Variants in CSMD2 observed in about 807,000 individuals in gnomAD.
CSMD2 encodes CUB and sushi domain-containing protein 2.
A neutral mutation model predicts 398.5 loss-of-function variants in CSMD2; 130 were observed. The observed-to-expected ratio is 0.33, with a 90% confidence interval of 0.28 to 0.38. The LOEUF (loss-of-function observed/expected upper bound fraction) is 0.38. Ranked by LOEUF, CSMD2 falls within the 10% of genes least tolerant of loss-of-function variation. The probability of loss-of-function intolerance (pLI) is 1.00; values close to 1 mark genes in which losing one functional copy is unlikely to be tolerated. For synonymous variants in CSMD2, 1,828 were observed against 1,908.5 expected (o/e 0.96, Z 1.10); for missense variants, 3,829 against 4,764.9 (o/e 0.80, Z 5.78).
chr1:33,871,021 G>A (rs972131087), intron 5 of CSMD2: 1 of 152,210 alleles, frequency 6.6e-6, no homozygotes, highest in South Asian at 2.1e-4. Flanking sequence ...AAGTAAGCCT[G>A]GAAGTGGATC....
At chr1:33,651,675 A>G (rs1039158623) in intron 28 of CSMD2, among the ~76,000 whole-genome samples, 7 of 152,184 alleles carry the variant, frequency 4.6e-5, no homozygotes, top group South Asian at 2.1e-4. Flanking sequence ...CAAGGGAAAA[A>G]GCAGTCTAAG....
chr1:33,700,284 G>A (rs1434035668), intron 23 of CSMD2, among the ~76,000 whole-genome samples: 1 of 152,194 alleles, frequency 6.6e-6, no homozygotes, highest in Non-Finnish European at 1.5e-5. Flanking sequence ...TGGGATTATA[G>A]GCATGAACCA....
At chr1:33,666,278 T>C (rs559763168) in intron 25 of CSMD2, among the ~76,000 whole-genome samples, 2 of 152,348 alleles carry the variant, frequency 1.3e-5, no homozygotes, top group Middle Eastern at 3.4e-3. Flanking sequence ...GAGATTTTGA[T>C]TGGGATTATA....
At chr1:33,544,523 G>A (rs1385320760) in intron 57 of CSMD2, among the ~76,000 whole-genome samples, 1 of 152,070 alleles carries the variant, frequency 6.6e-6, no homozygotes, top group African/African-American at 2.4e-5. Context: ...GGCAGTAAGA[G>A]TACTCATTGC....
rs189171115 is a variant in CSMD2, at chr1:33,855,954, C to T, written c.921-8958G>A. Among the ~76,000 whole-genome samples the T allele has an allele frequency of 5.3e-5, 8 of 152,334 alleles. No homozygotes were observed. The East Asian group carries it at 1.2e-3, about 22-fold the overall frequency. On this transcript the variant is annotated intron_variant, in intron 5 of 70. Coordinates refer to ENST00000373381, the MANE Select transcript of CSMD2 (RefSeq NM_001281956.2). The stretch of plus-strand genomic sequence containing the variant: ...GGTTAAGGGTTAAGGGCCAGGCCTT[C>T]GGAACCAGACAGTGCTATATTTGAA...
chr1:33,856,387 A>T (rs1398452060), intron 5 of CSMD2, among the ~76,000 whole-genome samples: 1 of 152,176 alleles, frequency 6.6e-6, no homozygotes, highest in Non-Finnish European at 1.5e-5. Context: ...GGGGAACCCC[A>T]GCCTGGCCTC....
chr1:33,758,074 C>T (rs775773839), intron 13 of CSMD2, among the ~76,000 whole-genome samples: 1 of 152,232 alleles, frequency 6.6e-6, no homozygotes, highest in African/African-American at 2.4e-5. Context: ...CGTAGGGGCA[C>T]AAAAGACTCT....
At chr1:34,101,379 C>A (rs1015055783) in intron 1 of CSMD2, among the ~76,000 whole-genome samples, 6 of 152,214 alleles carry the variant, frequency 3.9e-5, no homozygotes, top group Non-Finnish European at 7.3e-5. Context: ...GATGATTTCC[C>A]CAGGACAGAC....
At chr1:34,020,248 T>C (rs1648693042) in intron 3 of CSMD2, among the ~76,000 whole-genome samples, 1 of 152,182 alleles carries the variant, frequency 6.6e-6, no homozygotes, top group Non-Finnish European at 1.5e-5. Flanking sequence ...ATGGAGGCCC[T>C]GAGGCTCAAA....
At chr1:33,885,387 C>T (rs982368530) in intron 5 of CSMD2, 2 of 152,154 alleles carry the variant, frequency 1.3e-5, no homozygotes, top group Admixed American at 6.5e-5. Context: ...ATTAAGACAA[C>T]AATGAACTTA....
chr1:33,747,686 C>T (rs1423254464), intron 13 of CSMD2, among the ~76,000 whole-genome samples: 1 of 152,158 alleles, frequency 6.6e-6, no homozygotes, highest in African/African-American at 2.4e-5. Flanking sequence ...ATATACAACC[C>T]TCTCTTTGGG....
rs192004031 is a variant in CSMD2, at chr1:33,677,604, C to G, written c.4053-14512G>C. On this transcript the variant is annotated intron_variant, in intron 25 of 70. Transcript: ENST00000373381. ...ACCATTTGATTCAGCCATTCCATTA[C>G]TGGGTATATGCCCAAAGGATTATAA... Among the ~76,000 whole-genome samples the G allele has an allele frequency of 5.9e-5, 9 of 152,282 alleles. No homozygotes were observed. In the East Asian group the frequency reaches 1.7e-3, roughly 29 times the overall value.
intron 25 of CSMD2, among the ~76,000 whole-genome samples, chr1:33,682,424 T>C (rs539138786): frequency 1.3e-5 from 2 of 152,346 alleles, no homozygotes; most frequent in East Asian, 3.9e-4. Context: ...AATGTTTTTG[T>C]AAGTTCCTCA....
At chr1:33,783,923 T>A (rs1653169954) in intron 12 of CSMD2, among the ~76,000 whole-genome samples, 1 of 151,552 alleles carries the variant, frequency 6.6e-6, no homozygotes, top group South Asian at 2.1e-4. Flanking sequence ...TCTCACACCC[T>A]CCTGGTGAGG....
intron 19 of CSMD2, among the ~76,000 whole-genome samples, chr1:33,718,052 T>C (rs1281862608): frequency 6.6e-6 from 1 of 152,194 alleles, no homozygotes; most frequent in African/African-American, 2.4e-5. Flanking sequence ...GGGTATGTTA[T>C]TATCATCTCC....
intron 13 of CSMD2, among the ~76,000 whole-genome samples, chr1:33,764,197 G>A (rs1274086405): frequency 1.3e-5 from 2 of 152,090 alleles, no homozygotes; most frequent in African/African-American, 4.8e-5. Flanking sequence ...CATTCTGAGA[G>A]GCAACACCAG....
intron 24 of CSMD2, among the ~76,000 whole-genome samples, chr1:33,698,342 G>A (rs1161250129): frequency 6.6e-6 from 1 of 152,144 alleles, no homozygotes; most frequent in African/African-American, 2.4e-5. Flanking sequence ...TACCTATAGG[G>A]AAACTGAGAC....
chr1:33,602,997 G>A (rs1048809414), intron 42 of CSMD2, among the ~76,000 whole-genome samples: 5 of 152,180 alleles, frequency 3.3e-5, no homozygotes, highest in African/African-American at 1.2e-4. Flanking sequence ...TCTAGACTTC[G>A]AGTTGAGGGT....
At position 33,685,657 on chromosome 1, in the gene CSMD2, T is replaced by A. The variant is rs142868934; in HGVS notation, c.4052+7273A>T. Reference sequence around the variant, plus strand: ...AAGTGAGTGCCCTTTCGTGGCCAGATCCTGTATTTTCCCCTATGTTCATAC... The same window carrying A: ...AAGTGAGTGCCCTTTCGTGGCCAGAACCTGTATTTTCCCCTATGTTCATAC... On this transcript the variant is annotated intron_variant, in intron 25 of 70. Coordinates refer to ENST00000373381, the MANE Select transcript of CSMD2 (RefSeq NM_001281956.2). 6.4e-3 allele frequency among the ~76,000 whole-genome samples: 979 copies of A among 152,278 alleles called. 6 individuals are homozygous for A. The highest frequency in any genetic ancestry group is 0.022 in the African/African-American group (926 of 41,550).
Sources: gnomAD v4.1 joint callset for allele counts (sites outside exome capture counted in the v4.1 genomes callset) on GRCh38, gnomAD v4.1.1 for gene constraint, MANE v1.5 for transcripts, NCBI Gene and HGNC (gene_info 2026-07-23, HGNC 2026-07-21) for gene names.